The following DLGAP1 variants were observed in gnomAD, a reference collection of about 807,000 sequenced individuals.
DLGAP1 encodes the protein disks large-associated protein 1.
DLGAP1 carries 11 observed loss-of-function variants against 90.8 expected under a neutral mutation model. That is an observed-to-expected ratio of 0.12 (90% CI 0.08 to 0.20). The LOEUF (loss-of-function observed/expected upper bound fraction) is 0.20. DLGAP1 is among the 10% of genes least tolerant of loss of function. DLGAP1 has a pLI of 1.00. For synonymous variants in DLGAP1, 558 were observed against 540.7 expected (o/e 1.03, Z -0.44); for missense variants, 1,050 against 1,333.8 (o/e 0.79, Z 3.31).
intron 5 of DLGAP1, among the ~76,000 whole-genome samples, chr18:3,800,314 ATATGT>A (rs1366570255): frequency 4.6e-5 from 7 of 152,172 alleles, no homozygotes; most frequent in Non-Finnish European, 7.3e-5. Flanking sequence ...GACCATGCTG[ATATGT>A]TATGAATATC....
rs3223621 is a variant in DLGAP1 at position 3,672,201 on chromosome 18, GACACAC to G, written c.1591+56928_1591+56933del. Among the ~76,000 whole-genome samples, 1,312 of 143,544 alleles carry G rather than the reference GACACAC, an allele frequency of 9.1e-3. 17 individuals are homozygous for G. The highest frequency in any genetic ancestry group is 0.028 in the African/African-American group (1,099 of 39,146). 94.2% of individuals were successfully genotyped at this position (143,544 alleles called of 152,430 possible). ...TTACTAATCATTCAACTGCTGATTA[GACACAC>G]ACACACACACACACACACACACACA... On this transcript the variant is annotated intron_variant, in intron 7 of 12. Coordinates refer to ENST00000315677, the MANE Select transcript of DLGAP1 (RefSeq NM_004746.4).
intron 1 of DLGAP1, among the ~76,000 whole-genome samples, chr18:4,278,947 C>T (rs1361774651): frequency 6.6e-6 from 1 of 152,154 alleles, no homozygotes; most frequent in Non-Finnish European, 1.5e-5. Context: ...CCTTAAAATA[C>T]CTCTTCCTCT....
chr18:3,782,547 C>T (rs148719601), intron 5 of DLGAP1, among the ~76,000 whole-genome samples: 13 of 152,296 alleles, frequency 8.5e-5, no homozygotes, highest in African/African-American at 2.4e-4. Flanking sequence ...TCAAGGGAGA[C>T]GCCAAATCCC....
intron 5 of DLGAP1, among the ~76,000 whole-genome samples, chr18:3,781,323 T>C (rs2065179675): frequency 6.6e-6 from 1 of 151,904 alleles, no homozygotes; most frequent in African/African-American, 2.4e-5. Flanking sequence ...ATTTTCCTAC[T>C]AATGGACAGA....
intron 2 of DLGAP1, among the ~76,000 whole-genome samples, chr18:4,046,534 T>G (rs2075056670): frequency 6.6e-6 from 1 of 152,250 alleles, no homozygotes; most frequent in Non-Finnish European, 1.5e-5. Flanking sequence ...AAACCATAGA[T>G]ATCATCAAAT....
intron 4 of DLGAP1, among the ~76,000 whole-genome samples, chr18:3,837,370 A>G (rs1031777033): frequency 5.3e-5 from 8 of 152,182 alleles, no homozygotes; most frequent in African/African-American, 1.9e-4. Flanking sequence ...CTATTTGTAT[A>G]TGGTTTTAGA....
chr18:3,640,995 G>A (rs1315908652), intron 7 of DLGAP1, among the ~76,000 whole-genome samples: 11 of 152,102 alleles, frequency 7.2e-5, no homozygotes, highest in Admixed American at 7.2e-4. Flanking sequence ...GGAAGGCCAG[G>A]ATTCAAACCA....
chr18:3,802,036 G>A (rs2066322568), intron 5 of DLGAP1, among the ~76,000 whole-genome samples: 1 of 149,682 alleles, frequency 6.7e-6, no homozygotes, highest in Non-Finnish European at 1.5e-5. Flanking sequence ...CCAGGCTGGA[G>A]TGCAGTGGCG....
chr18:3,859,716 C>T (rs139818802), intron 4 of DLGAP1, among the ~76,000 whole-genome samples: 16 of 152,254 alleles, frequency 1.1e-4, no homozygotes, highest in Non-Finnish European at 2.2e-4. Flanking sequence ...CTCTAGAAAC[C>T]TCCAGAAGGA....
At chr18:4,293,931 T>C (rs2079911194) in intron 1 of DLGAP1, 1 of 152,230 alleles carries the variant, frequency 6.6e-6, no homozygotes, top group Non-Finnish European at 1.5e-5. Context: ...TGCCAAAACT[T>C]TGTATCTTTT....
intron 7 of DLGAP1, among the ~76,000 whole-genome samples, chr18:3,591,609 G>C (rs954897032): frequency 2.0e-5 from 3 of 151,822 alleles, no homozygotes; most frequent in South Asian, 2.1e-4. Flanking sequence ...AGGCTGGGGC[G>C]GGAGGATTGC....
At position 3,676,206 on chromosome 18, in the gene DLGAP1, A is replaced by C. The variant is rs558727746; in HGVS notation, c.1591+52929T>G. Among the ~76,000 whole-genome samples the C allele has an allele frequency of 1.7e-3, 258 of 152,310 alleles. 3 individuals are homozygous for C. In the Middle Eastern group the frequency reaches 0.02, roughly 12 times the overall value. On this transcript the variant is annotated intron_variant, in intron 7 of 12. Coordinates refer to ENST00000315677, the MANE Select transcript of DLGAP1 (RefSeq NM_004746.4). ...GGAGCAGACAAGATGGCGCAGCCCA[A>C]GGAGAAAGTTTATTTGCGTAATAAG...
At chr18:4,201,105 T>C (rs2077597931) in intron 1 of DLGAP1, among the ~76,000 whole-genome samples, 1 of 149,840 alleles carries the variant, frequency 6.7e-6, no homozygotes, top group Non-Finnish European at 1.5e-5. Context: ...AGGTTGTCTT[T>C]CTGTTGACGA....
At chr18:4,343,538 A>G (rs2081243798) in intron 1 of DLGAP1, among the ~76,000 whole-genome samples, 1 of 152,144 alleles carries the variant, frequency 6.6e-6, no homozygotes, top group Non-Finnish European at 1.5e-5. Context: ...AAGAATCATC[A>G]AAGTATAAAG....
chr18:3,677,373 G>A (rs941129264), intron 7 of DLGAP1, among the ~76,000 whole-genome samples: 3 of 152,160 alleles, frequency 2.0e-5, no homozygotes, highest in Admixed American at 6.5e-5. Flanking sequence ...TTCATTTATT[G>A]TCTTAACCTG....
intron 2 of DLGAP1, among the ~76,000 whole-genome samples, chr18:4,068,555 A>T (rs930238431): frequency 6.6e-6 from 1 of 152,154 alleles, no homozygotes; most frequent in Non-Finnish European, 1.5e-5. Flanking sequence ...AATAAACATG[A>T]TGCATAACTA....
chr18:3,714,732 C>T (rs1018736809), intron 7 of DLGAP1, among the ~76,000 whole-genome samples: 10 of 141,434 alleles, frequency 7.1e-5, no homozygotes, highest in Non-Finnish European at 4.5e-5. Context: ...CTCCCAGGTT[C>T]AAGAGATTCT....
Position 4,084,852 on chromosome 18 carries a change from T to C in DLGAP1, c.-159+66328A>G, listed in dbSNP as rs2075659025. Among the ~76,000 whole-genome samples the C allele has an allele frequency of 6.6e-6, 1 of 152,196 alleles. No homozygotes were observed. The highest frequency in any genetic ancestry group is 1.5e-5 in the Non-Finnish European group (1 of 68,032). On this transcript the variant is annotated intron_variant, in intron 2 of 12. Transcript: ENST00000315677. The surrounding 1 kb of genome is among the most constrained non-coding windows in gnomAD (Gnocchi z 4.0). ...ATTTTTAGACCCAGCCAAGGGACCC[T>C]AGGAAGAGTGAAGGAAAGCCTTTCC...
At position 3,716,538 on chromosome 18, in the gene DLGAP1, A is replaced by ATT. The variant is rs11374642; in HGVS notation, c.1591+12595_1591+12596dup. ...GTGACACAGTGAGACCCTGTCTCAA[A>ATT]TTTTTTTTTCTTTTATTATAAAAGC... On this transcript the variant is annotated intron_variant, in intron 7 of 12. Coordinates refer to ENST00000315677, the MANE Select transcript of DLGAP1 (RefSeq NM_004746.4). Among the ~76,000 whole-genome samples, 960 of 151,552 alleles carry ATT rather than the reference A, an allele frequency of 6.3e-3. 11 individuals are homozygous for ATT. Among genetic ancestry groups the ATT allele is most frequent in the African/African-American group, 0.021 (881 of 41,302 alleles).
Sources: gnomAD v4.1 joint callset for allele counts (sites outside exome capture counted in the v4.1 genomes callset) on GRCh38, gnomAD v4.1.1 for gene constraint, Gnocchi (gnomAD v3.1) non-coding constraint, MANE v1.5 for transcripts, NCBI Gene and HGNC (gene_info 2026-07-23, HGNC 2026-07-21) for gene names.